The following FHIT variants were observed in gnomAD, a reference collection of about 807,000 sequenced individuals.
The protein encoded by FHIT is fragile histidine triad diadenosine triphosphatase.
In FHIT, 19 loss-of-function variants were observed where a neutral mutation model predicts 17.9. That is an observed-to-expected ratio of 1.06 (90% CI 0.74 to 1.56). The LOEUF is 1.56. FHIT is among the 40% of genes most tolerant of loss of function. The pLI is 0.00. For missense variants in FHIT, 248 were observed against 189.2 expected (o/e 1.31, Z -1.82); for synonymous variants, 81 against 69.7 (o/e 1.16, Z -0.81).
At chr3:61,173,551 T>C (rs138699465) in intron 2 of FHIT, among the ~76,000 whole-genome samples, 82 of 152,322 alleles carry the variant, frequency 5.4e-4, no homozygotes, top group African/African-American at 1.9e-3. Context: ...ACATATACAG[T>C]CCATCAAAAC....
chr3:61,111,653 T>C (rs1330683342), intron 2 of FHIT, among the ~76,000 whole-genome samples: 1 of 152,198 alleles, frequency 6.6e-6, no homozygotes, highest in East Asian at 1.9e-4. Context: ...GTAATACAAA[T>C]GATAATAATT....
intron 5 of FHIT, among the ~76,000 whole-genome samples, chr3:60,207,702 A>T (rs1703265859): frequency 6.6e-6 from 1 of 152,170 alleles, no homozygotes; most frequent in African/African-American, 2.4e-5. Context: ...TAGAATTCGT[A>T]TGTGAGTTCC....
chr3:60,699,549 A>G lies in FHIT; in HGVS notation c.-18+122370T>C, dbSNP rs1220746907. 2.6e-5 allele frequency among the ~76,000 whole-genome samples: 4 copies of G among 152,200 alleles called. No homozygotes were observed. The East Asian group carries it at 7.7e-4, about 29-fold the overall frequency. On this transcript the variant is annotated intron_variant, in intron 4 of 9. Transcript: ENST00000492590. The stretch of plus-strand genomic sequence containing the variant: ...AGATACGTTTCAAATGGTAATTTGT[A>G]AAGTATTTTGAATTTTGGCCCATTT...
chr3:60,167,877 G>A (rs1701247067), intron 5 of FHIT, among the ~76,000 whole-genome samples: 1 of 152,034 alleles, frequency 6.6e-6, no homozygotes, highest in African/African-American at 2.4e-5. Context: ...CAGACAAAAA[G>A]CAAAATTAGC....
At chr3:61,203,739 A>T (rs1173687782) in intron 1 of FHIT, among the ~76,000 whole-genome samples, 1 of 152,260 alleles carries the variant, frequency 6.6e-6, no homozygotes, top group Non-Finnish European at 1.5e-5. Context: ...AGAAGGGGGT[A>T]ATAAATTGTT....
chr3:60,768,537 G>T (rs2108069050), intron 4 of FHIT, among the ~76,000 whole-genome samples: 1 of 152,324 alleles, frequency 6.6e-6, no homozygotes, highest in South Asian at 2.1e-4. Context: ...TCTGGCCACT[G>T]CCACTCCCAA....
chr3:60,363,843 T>C (rs1700004059), intron 5 of FHIT, among the ~76,000 whole-genome samples: 1 of 152,164 alleles, frequency 6.6e-6, no homozygotes, highest in South Asian at 2.1e-4. Context: ...AGGATATTTA[T>C]TCCTCTTGGT....
intron 3 of FHIT, among the ~76,000 whole-genome samples, chr3:60,882,395 T>C (rs73095238): frequency 0.053 from 8,111 of 152,034 alleles, 329 homozygotes; most frequent in Non-Finnish European, 0.081. Context: ...ATTATTACCC[T>C]GATACCAAGC....
chr3:60,130,221 T>C (rs1262568190), intron 5 of FHIT, among the ~76,000 whole-genome samples: 2 of 152,194 alleles, frequency 1.3e-5, no homozygotes, highest in African/African-American at 4.8e-5. Context: ...TGCCATGTAA[T>C]ATCTGGCTTT....
At chr3:60,845,356 C>A (rs1553746157) in intron 3 of FHIT, among the ~76,000 whole-genome samples, 2 of 151,664 alleles carry the variant, frequency 1.3e-5, no homozygotes, top group African/African-American at 4.8e-5. Flanking sequence ...AACCAAAAAA[C>A]TAAGGCTGCA....
At chr3:59,884,686 A>G (rs1405324524) in intron 8 of FHIT, among the ~76,000 whole-genome samples, 1 of 152,170 alleles carries the variant, frequency 6.6e-6, no homozygotes, top group East Asian at 1.9e-4. Flanking sequence ...GAGGGTAGGT[A>G]GGGGAGTCAC....
intron 4 of FHIT, among the ~76,000 whole-genome samples, chr3:60,709,596 T>A (rs1577096826): frequency 6.6e-6 from 1 of 152,338 alleles, no homozygotes; most frequent in South Asian, 2.1e-4. Flanking sequence ...TGCACATTGC[T>A]CTGGACAAAA....
chr3:61,221,007 G>A (rs956256904), intron 1 of FHIT, among the ~76,000 whole-genome samples: 1 of 152,198 alleles, frequency 6.6e-6, no homozygotes, highest in Non-Finnish European at 1.5e-5. Flanking sequence ...AAAATCATTA[G>A]GTGACATCTG....
At chr3:59,896,190 C>T (rs1402905884) in intron 8 of FHIT, among the ~76,000 whole-genome samples, 1 of 152,214 alleles carries the variant, frequency 6.6e-6, no homozygotes, top group Non-Finnish European at 1.5e-5. Context: ...GAGAACCTGA[C>T]TGTTTTGTTC....
At chr3:60,000,437 T>C (rs1164363023) in intron 7 of FHIT, among the ~76,000 whole-genome samples, 1 of 152,224 alleles carries the variant, frequency 6.6e-6, no homozygotes, top group Admixed American at 6.5e-5. Context: ...TACATAATTA[T>C]GACAAAGACC....
At chr3:61,190,648 A>T (rs2038684340) in intron 2 of FHIT, among the ~76,000 whole-genome samples, 2 of 152,230 alleles carry the variant, frequency 1.3e-5, no homozygotes, top group Admixed American at 6.5e-5. Flanking sequence ...TTATTGTGGC[A>T]CTATTCACAA....
At chr3:60,999,321 G>A (rs2030899901) in intron 3 of FHIT, among the ~76,000 whole-genome samples, 1 of 151,930 alleles carries the variant, frequency 6.6e-6, no homozygotes, top group Non-Finnish European at 1.5e-5. Context: ...AGCTGTGTTT[G>A]GTGATGGCTC....
At chr3:61,059,556 A>G (rs995659949) in intron 2 of FHIT, among the ~76,000 whole-genome samples, 1 of 152,232 alleles carries the variant, frequency 6.6e-6, no homozygotes, top group African/African-American at 2.4e-5. Flanking sequence ...TCATTTGTAA[A>G]TAATGGCCAC....
intron 4 of FHIT, among the ~76,000 whole-genome samples, chr3:60,611,402 C>T (rs942001705): frequency 2.6e-5 from 4 of 152,094 alleles, no homozygotes; most frequent in Non-Finnish European, 5.9e-5. Context: ...GAACGCTAAG[C>T]ATGTGGGAGT....
Sources: gnomAD v4.1 joint callset for allele counts (sites outside exome capture counted in the v4.1 genomes callset) on GRCh38, gnomAD v4.1.1 for gene constraint, MANE v1.5 for transcripts, NCBI Gene and HGNC (gene_info 2026-07-23, HGNC 2026-07-21) for gene names.